DSCAM: variants seen among roughly 807,000 people sequenced by gnomAD.
DSCAM encodes the protein cell adhesion molecule DSCAM.
Under a neutral mutation model 217.7 loss-of-function variants are expected in DSCAM, and 47 were observed. The observed-to-expected ratio is 0.22, with a 90% CI of 0.17 to 0.28. DSCAM has a LOEUF of 0.28. Among genes scored for constraint, DSCAM ranks in the 10% least tolerant of loss-of-function variants. DSCAM has a pLI of 1.00. For missense variants in DSCAM, 2,080 were observed against 2,618.3 expected, an observed-to-expected ratio of 0.79 and a Z score of 4.49; for synonymous variants, 1,056 against 1,015.3, an observed-to-expected ratio of 1.04 and a Z score of -0.76.
intron 3 of DSCAM, among the ~76,000 whole-genome samples, chr21:40,570,334 C>G (rs1341029089): frequency 6.6e-6 from 1 of 152,200 alleles, no homozygotes; most frequent in East Asian, 1.9e-4. Context: ...GCTCAGGATC[C>G]TAACTCTGCA....
chr21:40,742,188 C>T (rs141700997), intron 1 of DSCAM, among the ~76,000 whole-genome samples: 221 of 152,306 alleles, frequency 1.5e-3, no homozygotes, highest in African/African-American at 4.4e-3. Context: ...ACTGGTACTG[C>T]CAAATCCTGA....
chr21:40,305,400 A>G (rs975795430), intron 9 of DSCAM, among the ~76,000 whole-genome samples: 1 of 151,630 alleles, frequency 6.6e-6, no homozygotes, highest in South Asian at 2.1e-4. Flanking sequence ...AAAAAAAAAA[A>G]AAAAAAAAGG....
At chr21:40,775,658 G>T (rs563683936) in intron 1 of DSCAM, among the ~76,000 whole-genome samples, 1 of 152,252 alleles carries the variant, frequency 6.6e-6, no homozygotes, top group African/African-American at 2.4e-5. Context: ...CCAACCTTTG[G>T]ACTCTAGGAA....
intron 3 of DSCAM, among the ~76,000 whole-genome samples, chr21:40,496,850 C>A (rs916415246): frequency 3.9e-5 from 6 of 152,002 alleles, no homozygotes; most frequent in Non-Finnish European, 7.4e-5. Context: ...AGACATTTCT[C>A]AAAATAGGAC....
At chr21:40,602,053 CTTTT>C (rs761687929) in intron 3 of DSCAM, among the ~76,000 whole-genome samples, 8 of 89,514 alleles carry the variant, frequency 8.9e-5, no homozygotes, top group African/African-American at 1.9e-4. Context: ...TCTGCTTCTA[CTTTT>C]TTTTTTTTTT....
At chr21:40,361,821 T>G (rs1019908152) in intron 4 of DSCAM, among the ~76,000 whole-genome samples, 1 of 152,218 alleles carries the variant, frequency 6.6e-6, no homozygotes, top group African/African-American at 2.4e-5. Context: ...TTTTAAACAA[T>G]TGAATTAATT....
intron 32 of DSCAM, among the ~76,000 whole-genome samples, chr21:40,013,971 G>A (rs929127699): frequency 2.6e-5 from 4 of 152,228 alleles, no homozygotes; most frequent in African/African-American, 9.6e-5. Context: ...TGGCTCTTCT[G>A]TTTCAGCCAT....
intron 3 of DSCAM, chr21:40,618,933 G>A (rs1008971667): frequency 6.6e-6 from 1 of 152,250 alleles, no homozygotes; most frequent in Admixed American, 6.5e-5. Context: ...AAGAAGGGGA[G>A]AGACTTTGCA....
intron 3 of DSCAM, among the ~76,000 whole-genome samples, chr21:40,588,172 A>C (rs2146237808): frequency 6.6e-6 from 1 of 152,320 alleles, no homozygotes; most frequent in South Asian, 2.1e-4. Context: ...AGCTGCTCTG[A>C]GAAGAGGCAG....
chr21:40,215,573 T>C lies in DSCAM; in HGVS notation c.2357-26335A>G, dbSNP rs369150866. 3.6e-4 allele frequency among the ~76,000 whole-genome samples: 55 copies of C among 152,262 alleles called. No homozygotes were observed. In the South Asian group the frequency reaches 7.3e-3, roughly 20 times the overall value. On this transcript the variant is annotated intron_variant, in intron 11 of 32. Transcript: ENST00000400454. Reference sequence around the variant, plus strand: ...TCAGGAATTAAAAACCAGGTACTCATGCTCTCACTTATAAGTGGGAGCTAA... The same window carrying C: ...TCAGGAATTAAAAACCAGGTACTCACGCTCTCACTTATAAGTGGGAGCTAA...
chr21:40,559,786 CTTTTT>C (rs548599799), intron 3 of DSCAM, among the ~76,000 whole-genome samples: 2 of 109,410 alleles, frequency 1.8e-5, no homozygotes, highest in African/African-American at 3.4e-5. Flanking sequence ...AATTTTCTGT[CTTTTT>C]TTTTTTTTTT....
chr21:40,644,040 C>A (rs1330199460), intron 3 of DSCAM, among the ~76,000 whole-genome samples: 2 of 152,212 alleles, frequency 1.3e-5, no homozygotes, highest in Non-Finnish European at 2.9e-5. Flanking sequence ...AAACTCCCAA[C>A]TTCCCAAGCC....
intron 3 of DSCAM, among the ~76,000 whole-genome samples, chr21:40,486,478 A>C (rs1444876338): frequency 6.6e-6 from 1 of 151,970 alleles, no homozygotes; most frequent in African/African-American, 2.4e-5. Flanking sequence ...AGAAAAAGAG[A>C]AAGAAAAGAG....
chr21:40,352,382 T>A (rs2074640732), intron 5 of DSCAM, among the ~76,000 whole-genome samples: 1 of 152,220 alleles, frequency 6.6e-6, no homozygotes, highest in East Asian at 1.9e-4. Flanking sequence ...ACTGTGGATT[T>A]TATCATCCAT....
chr21:40,467,307 A>C (rs1471093224), intron 3 of DSCAM, among the ~76,000 whole-genome samples: 1 of 152,224 alleles, frequency 6.6e-6, no homozygotes, highest in East Asian at 1.9e-4. Flanking sequence ...TAATCCCCAC[A>C]ATCTTCTTAA....
intron 3 of DSCAM, among the ~76,000 whole-genome samples, chr21:40,642,187 C>T (rs1199967871): frequency 3.3e-5 from 5 of 152,138 alleles, no homozygotes; most frequent in Non-Finnish European, 7.4e-5. Context: ...TTGGACTCCA[C>T]AGCCCTGAAG....
At chr21:40,500,420 GAATA>G (rs1185843581) in intron 3 of DSCAM, among the ~76,000 whole-genome samples, 1 of 152,016 alleles carries the variant, frequency 6.6e-6, no homozygotes, top group Non-Finnish European at 1.5e-5. Context: ...AACCTTCCAG[GAATA>G]AATATCTGTT....
At chr21:40,609,311 A>T (rs1443033687) in intron 3 of DSCAM, among the ~76,000 whole-genome samples, 6 of 152,204 alleles carry the variant, frequency 3.9e-5, no homozygotes, top group Admixed American at 3.9e-4. Flanking sequence ...ATGGGTTTAG[A>T]AAGAGTGAAA....
chr21:40,183,118 G>A (rs528251408), intron 14 of DSCAM, among the ~76,000 whole-genome samples: 5 of 68,522 alleles, frequency 7.3e-5, no homozygotes, highest in Non-Finnish European at 1.4e-4. Context: ...CAGAGAAACC[G>A]TGGACAGGAG....
Sources: allele counts gnomAD v4.1 joint callset (sites outside exome capture counted in the v4.1 genomes callset), GRCh38; gene constraint gnomAD v4.1.1; transcripts MANE v1.5; gene names NCBI Gene and HGNC (gene_info 2026-07-23, HGNC 2026-07-21).